Variants in PTPRG observed in about 807,000 individuals in gnomAD.
PTPRG encodes the protein receptor-type tyrosine-protein phosphatase gamma.
A neutral mutation model predicts 165.3 loss-of-function variants in PTPRG; 102 were observed. The ratio of observed to expected loss-of-function variants is 0.62; its 90% CI spans 0.53 to 0.73. The LOEUF (loss-of-function observed/expected upper bound fraction) is 0.73, where lower values mean the gene tolerates loss of function less well. Among genes scored for constraint, PTPRG ranks in the 30% least tolerant of loss-of-function variants. The probability of loss-of-function intolerance (pLI) is 0.00; values close to 1 mark genes in which losing one functional copy is unlikely to be tolerated. For synonymous variants in PTPRG, 675 were observed against 669.5 expected, an observed-to-expected ratio of 1.01 and a Z score of -0.13; for missense variants, 1,866 against 1,861.4, an observed-to-expected ratio of 1.00 and a Z score of -0.05.
At chr3:61,987,623 A>T (rs763795866) in intron 2 of PTPRG, among the ~76,000 whole-genome samples, 8 of 152,180 alleles carry the variant, frequency 5.3e-5, no homozygotes, top group Non-Finnish European at 8.8e-5. Flanking sequence ...TCTAGAAGGC[A>T]TGCATACATA....
chr3:61,944,632 T>G (rs1036689015), intron 2 of PTPRG, among the ~76,000 whole-genome samples: 1 of 152,212 alleles, frequency 6.6e-6, no homozygotes, highest in Non-Finnish European at 1.5e-5. Context: ...GTTGGATTCA[T>G]TAGGGAATGA....
chr3:62,151,273 A>G (rs1704326117), intron 6 of PTPRG, among the ~76,000 whole-genome samples: 1 of 152,238 alleles, frequency 6.6e-6, no homozygotes, highest in African/African-American at 2.4e-5. Flanking sequence ...TTCCTAATTG[A>G]TAAGAAAAAT....
chr3:61,881,518 C>T (rs777497073), intron 2 of PTPRG, among the ~76,000 whole-genome samples: 16 of 152,136 alleles, frequency 1.1e-4, no homozygotes, highest in Non-Finnish European at 1.5e-4. Context: ...ACCATTTCAC[C>T]GTCACTGCAT....
At chr3:61,902,093 G>A (rs1431945809) in intron 2 of PTPRG, among the ~76,000 whole-genome samples, 2 of 152,172 alleles carry the variant, frequency 1.3e-5, no homozygotes, top group African/African-American at 4.8e-5. Context: ...TGAATTGTTG[G>A]TTATCACCCA....
At chr3:61,962,128 G>T (rs1575826845) in intron 2 of PTPRG, among the ~76,000 whole-genome samples, 1 of 152,138 alleles carries the variant, frequency 6.6e-6, no homozygotes, top group African/African-American at 2.4e-5. Flanking sequence ...GCTCACTTAA[G>T]TCCCTTAAGC....
intron 2 of PTPRG, among the ~76,000 whole-genome samples, chr3:61,881,490 G>C (rs914556304): frequency 6.6e-6 from 1 of 152,168 alleles, no homozygotes; most frequent in African/African-American, 2.4e-5. Context: ...GCTGGACGCT[G>C]TTTAGGGACC....
chr3:61,753,798 G>T (rs527372923), intron 2 of PTPRG, among the ~76,000 whole-genome samples: 23 of 152,202 alleles, frequency 1.5e-4, no homozygotes, highest in Admixed American at 1.1e-3. Context: ...GTTTCACCAT[G>T]TTGGCCAGGC....
At chr3:62,267,599 C>T in intron 18 of PTPRG, 86 bp from the exon 19 acceptor site, 1 of 1,537,218 alleles carries the variant, frequency 6.5e-7, no homozygotes. Context: ...AAAACAAAGC[C>T]CATTCAATAT....
chr3:61,591,528 G>A (rs1700568998), intron 1 of PTPRG, among the ~76,000 whole-genome samples: 1 of 152,146 alleles, frequency 6.6e-6, no homozygotes, highest in Admixed American at 6.6e-5. Context: ...TTGCCTTAAT[G>A]CTGAATTGCC....
At chr3:61,593,203 A>G (rs1435390767) in intron 1 of PTPRG, among the ~76,000 whole-genome samples, 6 of 152,094 alleles carry the variant, frequency 3.9e-5, no homozygotes. Context: ...GCCCATATCC[A>G]TCTCTTCTTC....
intron 1 of PTPRG, among the ~76,000 whole-genome samples, chr3:61,632,490 G>A (rs1701796461): frequency 6.6e-6 from 1 of 152,222 alleles, no homozygotes; most frequent in African/African-American, 2.4e-5. Flanking sequence ...GAAGGCCTCA[G>A]TGAGGAGGAT....
chr3:62,207,987 G>T (rs570234017), intron 12 of PTPRG, among the ~76,000 whole-genome samples: 1 of 152,286 alleles, frequency 6.6e-6, no homozygotes, highest in Admixed American at 6.5e-5. Flanking sequence ...AGGTTTTTGT[G>T]CAGAACCCCC....
At chr3:62,123,150 TG>T (rs1319710940) in intron 5 of PTPRG, among the ~76,000 whole-genome samples, 1 of 152,242 alleles carries the variant, frequency 6.6e-6, no homozygotes, top group Non-Finnish European at 1.5e-5. Flanking sequence ...AGGTGTCAAC[TG>T]GGACTATGAT....
intron 2 of PTPRG, among the ~76,000 whole-genome samples, chr3:61,887,170 A>ATATATATATATATATT (rs60282456): frequency 2.6e-5 from 3 of 115,532 alleles, no homozygotes; most frequent in Admixed American, 9.3e-5. Context: ...ATATATATAT[A>ATATATATATATATATT]TTTTTAATGC....
intron 28 of PTPRG, among the ~76,000 whole-genome samples, chr3:62,287,230 ATG>A (rs977125050): frequency 1.2e-4 from 18 of 152,316 alleles, no homozygotes; most frequent in African/African-American, 4.3e-4. Flanking sequence ...GATTAAACAA[ATG>A]TTAAATTCTT....
intron 2 of PTPRG, among the ~76,000 whole-genome samples, chr3:61,957,351 T>C (rs905772040): frequency 1.3e-5 from 2 of 152,264 alleles, no homozygotes; most frequent in Non-Finnish European, 2.9e-5. Context: ...CCAGTTTTTA[T>C]ATGCTTTTTA....
Position 62,214,247 on chromosome 3 carries a change from G to A in PTPRG, c.2156-4604G>A, listed in dbSNP as rs532100185. Among the ~76,000 whole-genome samples the A allele has an allele frequency of 6.6e-6, 1 of 152,354 alleles. No individual in the cohort carries two copies. Among genetic ancestry groups the A allele is most frequent in the African/African-American group, 2.4e-5 (1 of 41,592 alleles). On this transcript the variant is annotated intron_variant, in intron 12 of 29. Coordinates refer to ENST00000474889, the MANE Select transcript of PTPRG (RefSeq NM_002841.4). The surrounding 1 kb of genome is among the most constrained non-coding windows in gnomAD (Gnocchi z 5.2). ...TGAGTGCTCACCATCTCCTGCTGCT[G>A]TGTGAGGGTGCTGAGGAAGAGAGTG... is the stretch of plus-strand genomic sequence containing the variant.
chr3:61,854,372 A>G (rs190146350), intron 2 of PTPRG, among the ~76,000 whole-genome samples: 3 of 152,232 alleles, frequency 2.0e-5, no homozygotes, highest in African/African-American at 4.8e-5. Context: ...ATTCTCATCT[A>G]TAGGCTGTGA....
chr3:62,114,928 C>T (rs1246383019), intron 5 of PTPRG, among the ~76,000 whole-genome samples: 1 of 152,184 alleles, frequency 6.6e-6, no homozygotes, highest in Non-Finnish European at 1.5e-5. Context: ...ACATAAGCCA[C>T]CACACCCAGC....
Sources: allele counts gnomAD v4.1 joint callset (sites outside exome capture counted in the v4.1 genomes callset), GRCh38; gene constraint gnomAD v4.1.1; non-coding constraint Gnocchi (gnomAD v3.1); transcripts MANE v1.5; gene names NCBI Gene and HGNC (gene_info 2026-07-23, HGNC 2026-07-21).